Variants in GYG2 observed in about 807,000 individuals in gnomAD.
The protein encoded by GYG2 is glycogenin-2.
GYG2 carries 29 observed loss-of-function variants against 29.4 expected under a neutral mutation model. The ratio of observed to expected loss-of-function variants is 0.99; its 90% CI spans 0.74 to 1.35. The LOEUF is 1.35. GYG2 is among the 40% of genes most tolerant of loss of function. GYG2 has a pLI of 0.00. For missense variants in GYG2, 370 were observed against 385.7 expected, an observed-to-expected ratio of 0.96 and a Z score of 0.34; for synonymous variants, 167 against 172.3, an observed-to-expected ratio of 0.97 and a Z score of 0.24.
chrX:2,881,123 G>A lies in GYG2; in HGVS notation c.1323G>A (p.Glu441=). The change falls in exon 11 of 11, where the codon GAG becomes GAA. Residue 441 remains glutamate (E), a synonymous_variant. Coordinates refer to ENST00000398806, the MANE Select transcript of GYG2 (RefSeq NM_001079855.2). The part of the protein sequence containing the change: ...EKVKELSPEE[E]RRKWEEGRID... The stretch of plus-strand genomic sequence containing the variant: ...TGAAGGAATTGAGCCCCGAGGAAGA[G>A]AGGAGGAAGTGGGAGGAAGGCCGTA... 1.7e-6 allele frequency: 2 copies of A among 1,208,679 alleles called. No homozygotes were observed. Among genetic ancestry groups the A allele is most frequent in the Non-Finnish European group, 2.2e-6 (2 of 893,382 alleles).
intron 3 of GYG2, chrX:2,853,773 A>G (rs909183688): frequency 8.4e-5 from 32 of 379,676 alleles, no homozygotes; most frequent in Non-Finnish European, 1.4e-4. Context: ...AAGCATGCAG[A>G]GGCTTTTGGG....
At chrX:2,844,890 GTTTATA>G (rs1464332435) in intron 3 of GYG2, among the ~76,000 whole-genome samples, 1 of 105,961 alleles carries the variant, frequency 9.4e-6, no homozygotes. Context: ...ACATGTATGT[GTTTATA>G]TTTATATACA....
chrX:2,853,607 T>C (rs1162124745), intron 3 of GYG2: 1 of 137,612 alleles, frequency 7.3e-6, no homozygotes, highest in Non-Finnish European at 1.4e-5. Context: ...CAAAGAAGCA[T>C]GTTCAAAGAT....
intron 10 of GYG2, among the ~76,000 whole-genome samples, chrX:2,879,488 G>A (rs745983579): frequency 1.8e-5 from 2 of 111,138 alleles, no homozygotes; most frequent in Admixed American, 9.6e-5. Context: ...GGCTGGTCTC[G>A]AACTCCCGAC....
chrX:2,865,728 A>C, intron 8 of GYG2, among the ~76,000 whole-genome samples: 1 of 111,584 alleles, frequency 9.0e-6, no homozygotes, highest in East Asian at 2.8e-4. Flanking sequence ...CAAAAAGACA[A>C]AAAATATCCA....
At chrX:2,874,769 C>T (rs771166486) in intron 8 of GYG2, among the ~76,000 whole-genome samples, 22 of 111,648 alleles carry the variant, frequency 2.0e-4, no homozygotes, top group African/African-American at 5.2e-4. Flanking sequence ...GCTGAGTATC[C>T]GAGTGACTGA....
chrX:2,838,326 T>C (rs1189901431), intron 2 of GYG2, among the ~76,000 whole-genome samples: 2 of 110,903 alleles, frequency 1.8e-5, no homozygotes, highest in Non-Finnish European at 3.8e-5. Flanking sequence ...TTTCTTGGCA[T>C]TTTCACAATG....
At chrX:2,832,332 G>A (rs1027948005) in intron 2 of GYG2, among the ~76,000 whole-genome samples, 4 of 111,622 alleles carry the variant, frequency 3.6e-5, no homozygotes, top group Non-Finnish European at 5.6e-5. Flanking sequence ...TGTGACTGTG[G>A]TCAATATTCC....
rs751454812 is a variant in GYG2 at position 2,843,161 on chromosome X, C to T, written c.8-52C>T. On this transcript the variant is annotated intron_variant, in intron 2 of 10. Transcript: ENST00000398806. ...AGAGGAGGTGACTATGGCCCCGTCA[C>T]CCCTGCTGTCCCTCAGGAGTGTAAC... is the stretch of plus-strand genomic sequence containing the variant. The T allele has an allele frequency of 8.4e-6, 9 of 1,073,429 alleles. No individual in the cohort carries two copies. In the African/African-American group the frequency reaches 1.6e-4, roughly 20 times the overall value. 88.5% of individuals were successfully genotyped at this position (1,073,429 alleles called of 1,213,427 possible).
intron 8 of GYG2, among the ~76,000 whole-genome samples, chrX:2,863,354 G>A (rs1051838691): frequency 9.0e-6 from 1 of 111,674 alleles, no homozygotes; most frequent in Non-Finnish European, 1.9e-5. Context: ...GATTACAGGC[G>A]TGAACCACCA....
intron 8 of GYG2, among the ~76,000 whole-genome samples, chrX:2,869,705 G>C (rs2088410971): frequency 8.9e-6 from 1 of 111,829 alleles, no homozygotes; most frequent in East Asian, 2.8e-4. Flanking sequence ...GAGTGCAGTG[G>C]CACAATCTCG....
chrX:2,866,838 A>T (rs200259684), intron 8 of GYG2, among the ~76,000 whole-genome samples: 572 of 25,678 alleles, frequency 0.022, 3 homozygotes, highest in Non-Finnish European at 0.033. Flanking sequence ...TTTTTTTTTT[A>T]AAAAAAAGTA....
chrX:2,846,153 A>G (rs1357187884), intron 3 of GYG2, among the ~76,000 whole-genome samples: 1 of 89,602 alleles, frequency 1.1e-5, no homozygotes, highest in Non-Finnish European at 2.1e-5. Context: ...TGCAACCTCC[A>G]TCTCCTGGGT....
At chrX:2,868,431 T>TGGGCAA (rs1304769168) in intron 8 of GYG2, among the ~76,000 whole-genome samples, 1 of 84,364 alleles carries the variant, frequency 1.2e-5, no homozygotes, top group East Asian at 3.7e-4. Context: ...CATTCCAGCC[T>TGGGCAA]GGGCAACAGA....
chrX:2,876,110 C>T (rs1311417251), intron 9 of GYG2, among the ~76,000 whole-genome samples, 196 bp downstream of exon 9: 4 of 70,477 alleles, frequency 5.7e-5, no homozygotes, highest in African/African-American at 2.4e-4. Flanking sequence ...TAGTCTATTT[C>T]TCTATTATCC....
chrX:2,848,549 A>G (rs772968945), intron 3 of GYG2, among the ~76,000 whole-genome samples: 120 of 11,131 alleles, frequency 0.011, no homozygotes, highest in Middle Eastern at 0.13. Flanking sequence ...AAAGAAGGGA[A>G]AAAAAAAAAA....
In GYG2 at chrX:2,856,726, T is replaced by TATC. The variant is rs1461256185; in HGVS notation, c.614+103_614+105dup. Reference sequence around the variant, plus strand: ...TGTCGGCATATTTAAAAACTCTATCTATCTATCTATCATCTATCTATCTAT... The same window carrying TATC: ...TGTCGGCATATTTAAAAACTCTATCTATCATCTATCTATCATCTATCTATCTAT... On this transcript the variant is annotated intron_variant, in intron 6 of 10. Coordinates refer to ENST00000398806, the MANE Select transcript of GYG2 (RefSeq NM_001079855.2). 132 of 546,567 alleles carry TATC rather than the reference T, an allele frequency of 2.4e-4. No individual in the cohort carries two copies. The African/African-American group carries it at 3.2e-3, about 13-fold the overall frequency. The allele number at this position is 546,567 out of a possible 1,213,427, so 45.0% of individuals were successfully genotyped here.
chrX:2,853,925 G>A, intron 3 of GYG2, 55 bp from the exon 4 acceptor site: 1 of 879,674 alleles, frequency 1.1e-6, no homozygotes. Context: ...GGAGGAGGTG[G>A]TTCTGTGCTG....
chrX:2,852,007 C>A (rs1406045112), intron 3 of GYG2, among the ~76,000 whole-genome samples: 1 of 112,121 alleles, frequency 8.9e-6, no homozygotes, highest in African/African-American at 3.2e-5. Context: ...GTAATCCCAG[C>A]ACTTTGTGAG....
Sources: allele counts gnomAD v4.1 joint callset (sites outside exome capture counted in the v4.1 genomes callset), GRCh38; gene constraint gnomAD v4.1.1; transcripts MANE v1.5; gene names NCBI Gene and HGNC (gene_info 2026-07-23, HGNC 2026-07-21).